PRC1: variants seen among roughly 807,000 people sequenced by gnomAD.
PRC1 encodes the protein anaphase spindle elongation 1 homolog.
In PRC1, 54 loss-of-function variants were observed where a neutral mutation model predicts 91.2. That is an observed-to-expected ratio of 0.59 (90% CI 0.48 to 0.74). The LOEUF (loss-of-function observed/expected upper bound fraction) is 0.74. Among genes scored for constraint, PRC1 ranks in the 30% least tolerant of loss-of-function variants. PRC1 has a pLI of 0.00. For missense variants in PRC1, 727 were observed against 746.2 expected (o/e 0.97, Z 0.30); for synonymous variants, 275 against 263.6 (o/e 1.04, Z -0.42).
At chr15:90,978,906 GC>G (rs2038963465) in intron 8 of PRC1, among the ~76,000 whole-genome samples, 1 of 152,054 alleles carries the variant, frequency 6.6e-6, no homozygotes, top group South Asian at 2.1e-4. Context: ...TGCCATGCCT[GC>G]CCCACACTGC....
intron 6 of PRC1, 135 bp downstream of exon 6, chr15:90,980,749 A>C (rs1054232587): frequency 8.1e-7 from 1 of 1,231,588 alleles, no homozygotes; most frequent in African/African-American, 1.5e-5. Context: ...CAAATGATTC[A>C]CCTGCCTCGG....
Position 90,969,499 on chromosome 15 carries a change from AG to A in PRC1, c.1696del (p.Leu566SerfsTer59). The A allele has an allele frequency of 1.2e-6, 2 of 1,612,464 alleles. No homozygotes were observed. The highest frequency in any genetic ancestry group is 1.7e-6 in the Non-Finnish European group (2 of 1,179,150). Reference sequence around the variant, plus strand: ...AGAATTAATGCTGAAGTTGCGCTGGAGGGGGGCCGAGCCAGGGTACCCACCA... The same window carrying A: ...AGAATTAATGCTGAAGTTGCGCTGGAGGGGGCCGAGCCAGGGTACCCACCA... ...LSGGYPGSAP[L>X]QRNFSINSVA... On this transcript the variant is annotated frameshift_variant, in exon 13 of 15. Transcript: ENST00000394249. LOFTEE classifies it high-confidence loss of function.
At chr15:90,990,226 C>T (rs2039884708) in intron 1 of PRC1, among the ~76,000 whole-genome samples, 1 of 151,740 alleles carries the variant, frequency 6.6e-6, no homozygotes, top group Non-Finnish European at 1.5e-5. Flanking sequence ...ATCTCAGCTA[C>T]TCGGGAGGCT....
chr15:90,992,298 A>T (rs779393342), intron 1 of PRC1, among the ~76,000 whole-genome samples: 25 of 152,206 alleles, frequency 1.6e-4, no homozygotes, highest in Non-Finnish European at 2.6e-4. Flanking sequence ...TTGCTATTAG[A>T]ATATAAACTC....
rs916006422 is a variant in PRC1, at chr15:90,966,947, C to G, written c.*184G>C. The stretch of plus-strand genomic sequence containing the variant: ...TAAGTCAAAACCAAGTCTCCTAGGA[C>G]CACTAAACCTATGATGGGCTTTCAA... On this transcript the variant is annotated 3_prime_UTR_variant, in exon 15 of 15. Transcript: ENST00000394249. The G allele has an allele frequency of 4.9e-6, 3 of 617,134 alleles. No individual in the cohort carries two copies. The African/African-American group carries it at 5.5e-5, about 11-fold the overall frequency. The allele number at this position is 617,134 out of a possible 1,614,324, so 38.2% of individuals were successfully genotyped here.
chr15:90,985,450 T>G (rs2039508061), intron 1 of PRC1, among the ~76,000 whole-genome samples: 1 of 151,990 alleles, frequency 6.6e-6, no homozygotes, highest in African/African-American at 2.4e-5. Flanking sequence ...AGGTGGGTCT[T>G]GAATTCCCGG....
At chr15:90,986,998 G>C (rs112776494) in intron 1 of PRC1, among the ~76,000 whole-genome samples, 3,377 of 151,704 alleles carry the variant, frequency 0.022, 125 homozygotes, top group African/African-American at 0.078. Context: ...AACTGGCCAG[G>C]CACGGTAGTT....
chr15:90,977,213 T>C (rs1250769532), intron 8 of PRC1: 1 of 153,406 alleles, frequency 6.5e-6, no homozygotes, highest in Non-Finnish European at 1.5e-5. Flanking sequence ...CTGTCTTCTT[T>C]CTAGTCAAGT....
chr15:90,976,826 C>G, intron 8 of PRC1, 55 bp from the exon 9 acceptor site: 1 of 1,419,590 alleles, frequency 7.0e-7, no homozygotes, highest in Non-Finnish European at 9.9e-7. Flanking sequence ...AGACCAATAA[C>G]TTCTGCTAAG....
intron 11 of PRC1, among the ~76,000 whole-genome samples, chr15:90,972,213 A>AC (rs1491545497): frequency 1.0e-4 from 14 of 134,268 alleles, no homozygotes; most frequent in Non-Finnish European, 2.1e-4. Flanking sequence ...AACACCACCA[A>AC]CAAAAAAAAA....
intron 5 of PRC1, 191 bp downstream of exon 5, chr15:90,981,308 T>TG: frequency 1.4e-6 from 1 of 707,352 alleles, no homozygotes; most frequent in Non-Finnish European, 2.2e-6. Flanking sequence ...TTCATTTTCT[T>TG]GGAGCCATAT....
intron 11 of PRC1, 132 bp from the exon 12 acceptor site, chr15:90,970,646 CTGCTG>C (rs2038041487): frequency 1.1e-5 from 7 of 651,824 alleles, no homozygotes; most frequent in Non-Finnish European, 1.1e-5. Context: ...GGTGAAGGGC[CTGCTG>C]TGTCTAATAC....
chr15:90,971,012 A>G (rs1414417932), intron 11 of PRC1, among the ~76,000 whole-genome samples: 1 of 152,256 alleles, frequency 6.6e-6, no homozygotes, highest in Non-Finnish European at 1.5e-5. Flanking sequence ...ATGAATCTAC[A>G]CTAAATGAAA....
chr15:90,994,407 C>G lies in PRC1; in HGVS notation c.11G>C (p.Ser4Thr), dbSNP rs2040175444. Residue 4 changes from serine (S) to threonine (T), a missense_variant and splice_region_variant, in exon 1 of 15, where the codon AGT becomes ACT. By Grantham distance (58) the Ser-to-Thr change is moderately conservative. Transcript: ENST00000394249. MRR[S>T]EVLAEESIVC... ...CCCTCGATTTCCCCGCAACCCGCAC[C>G]TTCTCCTCATGGCGGACGCTCCAAG... 2.5e-6 allele frequency: 4 copies of G among 1,611,932 alleles called. No homozygotes were observed. In the African/African-American group the frequency reaches 5.4e-5, roughly 22 times the overall value.
intron 5 of PRC1, 123 bp from the exon 6 acceptor site, chr15:90,981,156 C>T: frequency 8.0e-7 from 1 of 1,249,160 alleles, no homozygotes; most frequent in Non-Finnish European, 1.1e-6. Flanking sequence ...TTCAAAGTAG[C>T]ATGTTTTCAT....
chr15:90,977,653 G>A (rs1444516964), intron 8 of PRC1, among the ~76,000 whole-genome samples: 1 of 130,370 alleles, frequency 7.7e-6, no homozygotes, highest in Admixed American at 9.4e-5. Flanking sequence ...GTGCGATCTT[G>A]GCTCACTGCA....
Position 90,974,321 on chromosome 15 carries a change from C to G in PRC1, c.1351-75G>C. 1 of 1,334,638 alleles carries G rather than the reference C, an allele frequency of 7.5e-7. No homozygotes were observed. Among genetic ancestry groups the G allele is most frequent in the Non-Finnish European group, 1.1e-6 (1 of 936,568 alleles). The allele number at this position is 1,334,638 out of a possible 1,614,324, so 82.7% of individuals were successfully genotyped here. A position where few individuals can be genotyped will look rare whatever the true frequency, so the allele number is the denominator to read the frequency against. On this transcript the variant is annotated intron_variant, in intron 10 of 14. Coordinates refer to ENST00000394249, the MANE Select transcript of PRC1 (RefSeq NM_003981.4). The surrounding 1 kb of genome is among the most constrained non-coding windows in gnomAD (Gnocchi z 4.6). ...TCTGGGATGGCAACAGCAGCAGGGC[C>G]GGGAATCTAGGCCCGTGTCTCTACA...
At chr15:90,990,943 T>C (rs1249557418) in intron 1 of PRC1, among the ~76,000 whole-genome samples, 1 of 151,652 alleles carries the variant, frequency 6.6e-6, no homozygotes, top group Non-Finnish European at 1.5e-5. Flanking sequence ...CACGCCCGGC[T>C]AATTTTTGTA....
rs561689221 is a variant in PRC1 at position 90,987,879 on chromosome 15, C to T, written c.12-3054G>A. The T allele has an allele frequency of 2.0e-5, 3 of 152,306 alleles. No homozygotes were observed. In the South Asian group the frequency reaches 6.2e-4, roughly 32 times the overall value. 9.4% of individuals were successfully genotyped at this position (152,306 alleles called of 1,614,324 possible). On this transcript the variant is annotated intron_variant, in intron 1 of 14. Coordinates refer to ENST00000394249, the MANE Select transcript of PRC1 (RefSeq NM_003981.4). ...TCCAAAGCTGTTAATACATTCACATCCAAAATATCTCCAGCCACGAAATCC... is the reference window on the plus strand; with the variant it reads ...TCCAAAGCTGTTAATACATTCACATTCAAAATATCTCCAGCCACGAAATCC...
Sources: gnomAD v4.1 joint callset for allele counts (sites outside exome capture counted in the v4.1 genomes callset) on GRCh38, gnomAD v4.1.1 for gene constraint, Gnocchi (gnomAD v3.1) non-coding constraint, MANE v1.5 for transcripts, NCBI Gene and HGNC (gene_info 2026-07-23, HGNC 2026-07-21) for gene names.